AP1S3: variants seen among roughly 807,000 people sequenced by gnomAD.
The protein encoded by AP1S3 is adaptor related protein complex 1 subunit sigma 3, also known as AP-1 complex subunit sigma-3.
AP1S3 carries 10 observed loss-of-function variants against 20.9 expected under a neutral mutation model. That is an observed-to-expected ratio of 0.48 (90% CI 0.29 to 0.81). The LOEUF (loss-of-function observed/expected upper bound fraction) is 0.81. Among genes scored for constraint, AP1S3 ranks in the 30% least tolerant of loss-of-function variants. The pLI, the probability that AP1S3 is intolerant of heterozygous loss-of-function variation, is 0.08. For missense variants in AP1S3, 154 were observed against 183.8 expected (o/e 0.84, Z 0.94); for synonymous variants, 41 against 61.5 (o/e 0.67, Z 1.56).
At chr2:223,811,636 G>A (rs1276150889) in intron 1 of AP1S3, among the ~76,000 whole-genome samples, 1 of 151,312 alleles carries the variant, frequency 6.6e-6, no homozygotes, top group African/African-American at 2.4e-5. Context: ...AGGTTGTTTT[G>A]GGCCCCATTT....
Position 223,756,442 on chromosome 2 carries a change from AG to A in AP1S3, c.*2272del, listed in dbSNP as rs1690220859. 4.8e-6 allele frequency: 4 copies of A among 834,852 alleles called. No homozygotes were observed. In the African/African-American group the frequency reaches 7.4e-5, roughly 16 times the overall value. 51.7% of individuals were successfully genotyped at this position (834,852 alleles called of 1,614,324 possible). ...GAGAGAGAGAAGAAGGAAGGAAGAA[AG>A]GAAGGAAAAGAAAGAAAGAAAGAAA... On this transcript the variant is annotated 3_prime_UTR_variant, in exon 5 of 5. Coordinates refer to ENST00000396654, the MANE Select transcript of AP1S3 (RefSeq NM_001039569.2).
At position 223,802,800 on chromosome 2, in the gene AP1S3, A is replaced by G. The variant is rs1691498389; in HGVS notation, c.4-24931T>C. Among the ~76,000 whole-genome samples the G allele has an allele frequency of 1.3e-5, 2 of 152,214 alleles. 1 individual carries two copies. The highest frequency in any genetic ancestry group is 2.9e-5 in the Non-Finnish European group (2 of 68,038). ...AGTTTTGATCTACCCCATGGTTCAC[A>G]GTTCTCAAAAAAAATGTAACTTTCT... On this transcript the variant is annotated intron_variant, in intron 1 of 4. Coordinates refer to ENST00000396654, the MANE Select transcript of AP1S3 (RefSeq NM_001039569.2).
intron 4 of AP1S3, among the ~76,000 whole-genome samples, chr2:223,764,799 T>C (rs936293008): frequency 1.3e-5 from 2 of 152,250 alleles, no homozygotes; most frequent in African/African-American, 4.8e-5. Flanking sequence ...CATAAAATTA[T>C]TCTTGAAAAG....
At chr2:223,775,869 A>T (rs1376731303) in intron 3 of AP1S3, 32 bp downstream of exon 3, 1 of 1,535,748 alleles carries the variant, frequency 6.5e-7, no homozygotes, top group African/African-American at 1.4e-5. Flanking sequence ...TGGGGACTGT[A>T]GCTAATCCTA....
At chr2:223,778,102 T>G (rs114225352) in intron 1 of AP1S3, among the ~76,000 whole-genome samples, 2,350 of 150,260 alleles carry the variant, frequency 0.016, 67 homozygotes, top group African/African-American at 0.054. Context: ...GAAAAATAAG[T>G]TTTTTTTTGT....
At chr2:223,798,131 C>T (rs7599342) in intron 1 of AP1S3, among the ~76,000 whole-genome samples, 81,605 of 152,010 alleles carry the variant, frequency 0.54, 22,270 homozygotes, top group East Asian at 0.64. Context: ...CTCAGGTTTC[C>T]ATGATAAATG....
chr2:223,819,056 G>A (rs1278473649), intron 1 of AP1S3, among the ~76,000 whole-genome samples: 2 of 152,064 alleles, frequency 1.3e-5, no homozygotes, highest in African/African-American at 4.8e-5. Context: ...TTTTTTCAGG[G>A]CCTTTTTCTA....
chr2:223,776,303 T>G (rs1357441146), intron 2 of AP1S3: 2 of 438,454 alleles, frequency 4.6e-6, no homozygotes, highest in Non-Finnish European at 8.8e-6. Flanking sequence ...AATCAGGGTG[T>G]CTTCACACCC....
At chr2:223,766,103 G>A (rs558376143) in intron 3 of AP1S3, among the ~76,000 whole-genome samples, 5 of 152,178 alleles carry the variant, frequency 3.3e-5, no homozygotes, top group African/African-American at 9.6e-5. Context: ...CATCCTTGCT[G>A]TCTTACTCCC....
chr2:223,801,680 G>C (rs1393246698), intron 1 of AP1S3, among the ~76,000 whole-genome samples: 1 of 152,126 alleles, frequency 6.6e-6, no homozygotes, highest in Admixed American at 6.6e-5. Context: ...CTGACTCCAA[G>C]TGGTCTGCCC....
chr2:223,761,850 A>G (rs1690362348), intron 4 of AP1S3, among the ~76,000 whole-genome samples: 2 of 152,222 alleles, frequency 1.3e-5, no homozygotes, highest in African/African-American at 4.8e-5. Flanking sequence ...GGCATGAGCC[A>G]TCGCATCTGG....
chr2:223,832,131 C>CTGTGTGTGTGTG (rs1339727568), intron 1 of AP1S3, among the ~76,000 whole-genome samples: 6 of 114,746 alleles, frequency 5.2e-5, no homozygotes, highest in Admixed American at 1.8e-4. Flanking sequence ...AAGGAGTTTT[C>CTGTGTGTGTGTG]TCTCTGTGTG....
At chr2:223,771,380 A>G (rs1215640927) in intron 3 of AP1S3, among the ~76,000 whole-genome samples, 1 of 152,040 alleles carries the variant, frequency 6.6e-6, no homozygotes, top group African/African-American at 2.4e-5. Flanking sequence ...AATAAATTCC[A>G]CCTTGAGGTT....
intron 2 of AP1S3, among the ~76,000 whole-genome samples, chr2:223,777,317 C>T (rs533193950): frequency 6.6e-6 from 1 of 152,282 alleles, no homozygotes; most frequent in South Asian, 2.1e-4. Context: ...ATCGCTTGAA[C>T]CCAGGAGGTG....
At chr2:223,831,120 G>A (rs1377769597) in intron 1 of AP1S3, among the ~76,000 whole-genome samples, 1 of 151,604 alleles carries the variant, frequency 6.6e-6, no homozygotes, top group East Asian at 1.9e-4. Flanking sequence ...GCTGGCATGA[G>A]CCTCCAACCC....
intron 1 of AP1S3, among the ~76,000 whole-genome samples, chr2:223,812,808 A>C (rs1169185155): frequency 6.6e-6 from 1 of 152,236 alleles, no homozygotes; most frequent in Non-Finnish European, 1.5e-5. Context: ...GAGAAGGAGT[A>C]AATCAGGAAT....
At chr2:223,829,618 C>A (rs192667382) in intron 1 of AP1S3, among the ~76,000 whole-genome samples, 10 of 152,134 alleles carry the variant, frequency 6.6e-5, no homozygotes, top group Admixed American at 3.3e-4. Context: ...TTGTGATAAG[C>A]CAAGATCACA....
At chr2:223,810,254 T>C (rs1691690555) in intron 1 of AP1S3, among the ~76,000 whole-genome samples, 1 of 152,106 alleles carries the variant, frequency 6.6e-6, no homozygotes, top group Non-Finnish European at 1.5e-5. Flanking sequence ...TGGCTTAATA[T>C]ATGACAGGGG....
intron 4 of AP1S3, 77 bp from the exon 5 acceptor site, chr2:223,758,827 C>A: frequency 7.8e-7 from 1 of 1,277,704 alleles, no homozygotes; most frequent in Non-Finnish European, 1.1e-6. Context: ...CTTCTGCATT[C>A]TTTTATTTAT....
Sources: allele counts gnomAD v4.1 joint callset (sites outside exome capture counted in the v4.1 genomes callset), GRCh38; gene constraint gnomAD v4.1.1; transcripts MANE v1.5; gene names NCBI Gene and HGNC (gene_info 2026-07-23, HGNC 2026-07-21).